Variants in RBM38 observed in about 807,000 individuals in gnomAD.
RBM38 encodes RNA binding motif protein 38.
RBM38 carries 11 observed loss-of-function variants against 23.5 expected under a neutral mutation model. That is an observed-to-expected ratio of 0.47 (90% confidence interval 0.29 to 0.77). RBM38 has a LOEUF of 0.77. Ranked by LOEUF, RBM38 falls within the 30% of genes least tolerant of loss-of-function variation. RBM38 has a pLI of 0.08. For missense variants in RBM38, 330 were observed against 351.9 expected, an observed-to-expected ratio of 0.94 and a Z score of 0.50; for synonymous variants, 165 against 166.1, an observed-to-expected ratio of 0.99 and a Z score of 0.05.
chr20:57,406,263 G>A (rs759391297), intron 3 of RBM38, among the ~76,000 whole-genome samples: 30 of 152,218 alleles, frequency 2.0e-4, no homozygotes, highest in Admixed American at 3.9e-4. Flanking sequence ...CACACGCCAG[G>A]AGAGCTGCCT....
chr20:57,392,594 C>G (rs893375102), intron 1 of RBM38, 60 bp from the exon 2 acceptor site: 1 of 1,558,144 alleles, frequency 6.4e-7, no homozygotes, highest in South Asian at 1.2e-5. Context: ...GCGGAGCCGT[C>G]TGCCCCTTTC....
chr20:57,396,644 A>C (rs1223937527), intron 3 of RBM38, among the ~76,000 whole-genome samples: 5 of 152,198 alleles, frequency 3.3e-5, no homozygotes, highest in Admixed American at 6.5e-5. Flanking sequence ...TGTACATTAT[A>C]GAACGTTTGA....
intron 3 of RBM38, among the ~76,000 whole-genome samples, chr20:57,397,935 G>A (rs570719577): frequency 7.2e-5 from 11 of 152,318 alleles, no homozygotes; most frequent in African/African-American, 2.4e-4. Context: ...CTCGAGTACA[G>A]TGGTGGGGAG....
Position 57,407,994 on chromosome 20 carries a change from T to A in RBM38, c.*148T>A. ...CCGAAGACCGCTCGGGCATTCCGCC[T>A]GCGCCCTGGGACAGCGGAGAGACGG... On this transcript the variant is annotated 3_prime_UTR_variant, in exon 4 of 4. Coordinates refer to ENST00000356208, the MANE Select transcript of RBM38 (RefSeq NM_017495.6). This position sits in a 1 kb window ranked among gnomAD's most constrained non-coding sequence, Gnocchi z 4.0. The A allele has an allele frequency of 1.1e-6, 1 of 946,912 alleles. No individual in the cohort carries two copies. The highest frequency in any genetic ancestry group is 1.5e-6 in the Non-Finnish European group (1 of 648,212). 58.7% of individuals were successfully genotyped at this position (946,912 alleles called of 1,614,324 possible).
rs1273133653 is a variant in RBM38 at position 57,405,238 on chromosome 20, C to G, written c.417-2305C>G. 2.0e-5 allele frequency among the ~76,000 whole-genome samples: 3 copies of G among 152,242 alleles called. No homozygotes were observed. The South Asian group carries it at 6.2e-4, about 31-fold the overall frequency. ...TGGGTTGGTGCATTTTGGTGCCTCT[C>G]CCATCCTAGAAGCTAAGCCCCTCGA... On this transcript the variant is annotated intron_variant, in intron 3 of 3. Coordinates refer to ENST00000356208, the MANE Select transcript of RBM38 (RefSeq NM_017495.6).
chr20:57,392,192 C>T (rs977831328), intron 1 of RBM38: 1 of 324,564 alleles, frequency 3.1e-6, no homozygotes, highest in East Asian at 1.0e-4. Context: ...GCTCTTCGGC[C>T]TCCCCCATAT....
Position 57,407,560 on chromosome 20 carries a change from T to C in RBM38, c.434T>C (p.Ile145Thr), listed in dbSNP as rs2146223191. ...QRTYGLTPHY[I>T]YPPAIVQPSV... ...CCCCACAGGCTGACCCCGCACTACATCTACCCACCAGCCATCGTGCAGCCC... is the reference window on the plus strand; with the variant it reads ...CCCCACAGGCTGACCCCGCACTACACCTACCCACCAGCCATCGTGCAGCCC... The change falls in exon 4 of 4, where the codon ATC (isoleucine) becomes ACC (threonine). Residue 145 changes from isoleucine to threonine, a missense_variant. This residue lies in a region of RBM38 where 227 missense variants were observed against 216.4 expected (regional missense o/e 1.05). Transcript: ENST00000356208. The surrounding 1 kb of genome is among the most constrained non-coding windows in gnomAD (Gnocchi z 4.0). The C allele has an allele frequency of 6.2e-7, 1 of 1,613,662 alleles. No homozygotes were observed. Among genetic ancestry groups the C allele is most frequent in the East Asian group, 2.2e-5 (1 of 44,878 alleles).
intron 3 of RBM38, among the ~76,000 whole-genome samples, chr20:57,405,042 C>G (rs1284535248): frequency 6.6e-6 from 1 of 152,224 alleles, no homozygotes; most frequent in Admixed American, 6.5e-5. Context: ...CTGGCGCCTG[C>G]CTCCGCCCTT....
At chr20:57,398,531 G>T (rs1038622101) in intron 3 of RBM38, among the ~76,000 whole-genome samples, 16 of 150,228 alleles carry the variant, frequency 1.1e-4, no homozygotes, top group South Asian at 2.1e-4. Context: ...AGGGTGTCTC[G>T]TGGTGGCCCC....
At chr20:57,395,584 C>T (rs887006103) in intron 3 of RBM38, among the ~76,000 whole-genome samples, 7 of 152,204 alleles carry the variant, frequency 4.6e-5, no homozygotes, top group African/African-American at 7.2e-5. Context: ...AGGGGCCATC[C>T]GCTCTTGGCT....
chr20:57,398,326 C>T (rs1402307814), intron 3 of RBM38, among the ~76,000 whole-genome samples: 2 of 152,144 alleles, frequency 1.3e-5, no homozygotes, highest in African/African-American at 2.4e-5. Context: ...CTGAGGATGG[C>T]GGAAATGGGC....
chr20:57,391,970 G>A (rs1300883585), intron 1 of RBM38, among the ~76,000 whole-genome samples, 152 bp downstream of exon 1: 2 of 90,914 alleles, frequency 2.2e-5, no homozygotes, highest in Non-Finnish European at 2.6e-5. Context: ...GCCTCTCCCG[G>A]GCGCGCTCCT....
At chr20:57,393,391 C>G in intron 3 of RBM38, 58 bp downstream of exon 3, 1 of 1,537,472 alleles carries the variant, frequency 6.5e-7, no homozygotes, top group Non-Finnish European at 9.0e-7. Flanking sequence ...TGGAGAGGGC[C>G]TTGGGCTTCC....
At position 57,391,841 on chromosome 20, in the gene RBM38, C is replaced by A. The variant is rs768723029; in HGVS notation, c.237+23C>A. The A allele has an allele frequency of 2.0e-6, 3 of 1,506,624 alleles. No homozygotes were observed. In the South Asian group the frequency reaches 3.6e-5, roughly 18 times the overall value. The allele number at this position is 1,506,624 out of a possible 1,614,324, so 93.3% of individuals were successfully genotyped here. ...TTCGTAAGTGGCCCCCGCGCCCGGGCCCGCACCCCGCCGCACACCTTATCG... is the reference window on the plus strand; with the variant it reads ...TTCGTAAGTGGCCCCCGCGCCCGGGACCGCACCCCGCCGCACACCTTATCG... On this transcript the variant is annotated intron_variant, in intron 1 of 3. Transcript: ENST00000356208.
Position 57,407,417 on chromosome 20 carries a change from C to T in RBM38, c.417-126C>T. 9.1e-7 allele frequency: 1 copy of T among 1,095,974 alleles called. No individual in the cohort carries two copies. The highest frequency in any genetic ancestry group is 1.3e-6 in the Non-Finnish European group (1 of 755,656). 67.9% of individuals were successfully genotyped at this position (1,095,974 alleles called of 1,614,324 possible). On this transcript the variant is annotated intron_variant, in intron 3 of 3. Coordinates refer to ENST00000356208, the MANE Select transcript of RBM38 (RefSeq NM_017495.6). The surrounding 1 kb of genome is among the most constrained non-coding windows in gnomAD (Gnocchi z 4.0). ...ATCTGGCCAGGTGCTGTTTCTGTGC[C>T]CATCTGACCGATGAGGAAAGTCGGG...
At position 57,405,761 on chromosome 20, in the gene RBM38, G is replaced by T. The variant is rs942233165; in HGVS notation, c.417-1782G>T. Among the ~76,000 whole-genome samples, 47 of 151,034 alleles carry T rather than the reference G, an allele frequency of 3.1e-4. 1 individual carries two copies. On this transcript the variant is annotated intron_variant, in intron 3 of 3. Transcript: ENST00000356208. ...CTGAGGGTCCCTGGCTCTGGGGAGG[G>T]AGCTCGCAGGGCTCCTCTCTGACCC...
chr20:57,407,868 CTG>C lies in RBM38; in HGVS notation c.*25_*26del, dbSNP rs1485416702. Reference sequence around the variant, plus strand: ...GTGAGGGGCGTTCCTGCCCCGAGGACTGTGGCATTGTCACCTTCACAGCAGAC... The same window carrying C: ...GTGAGGGGCGTTCCTGCCCCGAGGACTGGCATTGTCACCTTCACAGCAGAC... On this transcript the variant is annotated 3_prime_UTR_variant, in exon 4 of 4. Transcript: ENST00000356208. The surrounding 1 kb of genome is among the most constrained non-coding windows in gnomAD (Gnocchi z 4.0). 1 of 1,532,164 alleles carries C rather than the reference CTG, an allele frequency of 6.5e-7. No homozygotes were observed. Among genetic ancestry groups the C allele is most frequent in the African/African-American group, 1.4e-5 (1 of 72,922 alleles). The allele number at this position is 1,532,164 out of a possible 1,614,324, so 94.9% of individuals were successfully genotyped here. A position where few individuals can be genotyped will look rare whatever the true frequency, so the allele number is the denominator to read the frequency against.
At chr20:57,392,417 A>C (rs1469360667) in intron 1 of RBM38, 5 of 1,526,242 alleles carry the variant, frequency 3.3e-6, no homozygotes. Context: ...TTGTCCTTGA[A>C]GGCCACATTT....
intron 3 of RBM38, among the ~76,000 whole-genome samples, chr20:57,399,392 A>G (rs543275584): frequency 7.2e-5 from 11 of 152,302 alleles, no homozygotes; most frequent in African/African-American, 2.6e-4. Context: ...TAATCCAGGC[A>G]TGAGACGAGG....
Sources: allele counts gnomAD v4.1 joint callset (sites outside exome capture counted in the v4.1 genomes callset), GRCh38; gene constraint gnomAD v4.1.1; regional missense constraint gnomAD v4.1.1; non-coding constraint Gnocchi (gnomAD v3.1); transcripts MANE v1.5; gene names NCBI Gene and HGNC (gene_info 2026-07-23, HGNC 2026-07-21).